Variants in DOCK4 observed in about 807,000 individuals in gnomAD.
DOCK4 encodes dedicator of cytokinesis 4.
In DOCK4, 97 loss-of-function variants were observed where a neutral mutation model predicts 268.1. That is an observed-to-expected ratio of 0.36 (90% CI 0.31 to 0.43). DOCK4 has a LOEUF of 0.43. Among genes scored for constraint, DOCK4 ranks in the 20% least tolerant of loss-of-function variants. The probability of loss-of-function intolerance (pLI) is 1.00; values close to 1 mark genes in which losing one functional copy is unlikely to be tolerated. For missense variants in DOCK4, 2,145 were observed against 2,455.7 expected (o/e 0.87, Z 2.67); for synonymous variants, 954 against 887.2 (o/e 1.08, Z -1.34).
At chr7:112,058,791 A>G (rs1343456380) in intron 1 of DOCK4, among the ~76,000 whole-genome samples, 2 of 152,198 alleles carry the variant, frequency 1.3e-5, no homozygotes, top group Non-Finnish European at 2.9e-5. Context: ...ACACAATGGC[A>G]AAGATCAAAG....
intron 25 of DOCK4, among the ~76,000 whole-genome samples, chr7:111,837,800 A>G (rs897072006): frequency 1.1e-4 from 17 of 152,134 alleles, no homozygotes; most frequent in African/African-American, 3.9e-4. Context: ...TAAGATGTCA[A>G]TTTTGGCTGG....
At chr7:112,050,948 T>C (rs1023545789) in intron 1 of DOCK4, among the ~76,000 whole-genome samples, 4 of 152,148 alleles carry the variant, frequency 2.6e-5, no homozygotes, top group South Asian at 2.1e-4. Flanking sequence ...GATAAATTCA[T>C]GAATTGCAAA....
At chr7:112,156,073 CAG>C (rs1458735347) in intron 1 of DOCK4, among the ~76,000 whole-genome samples, 1 of 152,134 alleles carries the variant, frequency 6.6e-6, no homozygotes, top group Non-Finnish European at 1.5e-5. Flanking sequence ...CTAGATGTAA[CAG>C]AGCATGGGCT....
At chr7:111,991,164 A>G (rs112340365) in intron 5 of DOCK4, among the ~76,000 whole-genome samples, 1,689 of 152,184 alleles carry the variant, frequency 0.011, 44 homozygotes, top group African/African-American at 0.036. Flanking sequence ...CATCTCTAGT[A>G]CTTAAGTTTA....
At chr7:112,118,096 C>T (rs763831108) in intron 1 of DOCK4, among the ~76,000 whole-genome samples, 2 of 151,738 alleles carry the variant, frequency 1.3e-5, no homozygotes, top group African/African-American at 2.4e-5. Flanking sequence ...CCATTTTCCA[C>T]AAAAATCTCT....
intron 44 of DOCK4, 146 bp from the exon 45 acceptor site, chr7:111,742,278 A>G (rs2133444082): frequency 2.6e-6 from 2 of 777,954 alleles, no homozygotes; most frequent in South Asian, 8.8e-5. Context: ...CTGTCACTTT[A>G]CAGGTGAAGA....
chr7:111,745,356 C>T (rs1796189559), intron 44 of DOCK4, among the ~76,000 whole-genome samples: 1 of 152,120 alleles, frequency 6.6e-6, no homozygotes, highest in South Asian at 2.1e-4. Context: ...TTGGAGTTGG[C>T]CTGAACTTTT....
intron 32 of DOCK4, among the ~76,000 whole-genome samples, chr7:111,786,917 G>A (rs903097480): frequency 1.3e-5 from 2 of 151,996 alleles, no homozygotes; most frequent in Admixed American, 1.3e-4. Flanking sequence ...TATGCTGATC[G>A]TAAAAGCATG....
intron 1 of DOCK4, among the ~76,000 whole-genome samples, chr7:112,200,179 T>C (rs1174499334): frequency 6.6e-6 from 1 of 152,174 alleles, no homozygotes; most frequent in Non-Finnish European, 1.5e-5. Context: ...TCAGGACCCA[T>C]TAACAAGTCA....
At position 111,868,026 on chromosome 7, in the gene DOCK4, A is replaced by G. The variant is rs371510768; in HGVS notation, c.2238T>C (p.Leu746=). 11 of 1,612,614 alleles carry G rather than the reference A, an allele frequency of 6.8e-6. No individual in the cohort carries two copies. The highest frequency in any genetic ancestry group is 9.3e-6 in the Non-Finnish European group (11 of 1,179,296). Residue 746 remains leucine (L), a synonymous_variant, in exon 22 of 53, where the codon CTT becomes CTC. Transcript: ENST00000428084. The stretch of plus-strand genomic sequence containing the variant: ...CTCCAGACCCTTTGCTCTCTTGCGA[A>G]AGAAAGAAACGGACTGACATGAGAA... ...QELLMSVRFF[L]SQESKGSGAL...
At chr7:111,897,882 C>G (rs1000576077) in intron 15 of DOCK4, among the ~76,000 whole-genome samples, 1 of 152,218 alleles carries the variant, frequency 6.6e-6, no homozygotes, top group Non-Finnish European at 1.5e-5. Context: ...TAAATGATCA[C>G]TTCATTCTCA....
intron 8 of DOCK4, among the ~76,000 whole-genome samples, chr7:111,956,961 A>G (rs1464802846): frequency 6.6e-6 from 1 of 152,202 alleles, no homozygotes; most frequent in African/African-American, 2.4e-5. Context: ...ATTCATTATA[A>G]CTTTTAAAAA....
At chr7:111,980,774 C>G (rs564991888) in intron 7 of DOCK4, among the ~76,000 whole-genome samples, 5 of 152,298 alleles carry the variant, frequency 3.3e-5, no homozygotes, top group Non-Finnish European at 7.4e-5. Flanking sequence ...CATGTGAGAA[C>G]CACTGTGTTC....
intron 30 of DOCK4, chr7:111,801,867 T>C (rs1339919289): frequency 1.3e-5 from 2 of 150,626 alleles, no homozygotes; most frequent in African/African-American, 4.9e-5. Context: ...TTTTTTTTTT[T>C]TTTTTTTGTA....
At chr7:112,037,790 TA>T (rs1161454372) in intron 1 of DOCK4, among the ~76,000 whole-genome samples, 2 of 152,334 alleles carry the variant, frequency 1.3e-5, no homozygotes, top group African/African-American at 2.4e-5. Context: ...GATCATTAGA[TA>T]GGGGTAAATT....
intron 44 of DOCK4, among the ~76,000 whole-genome samples, chr7:111,746,085 A>G (rs1020155290): frequency 2.0e-5 from 3 of 152,204 alleles, no homozygotes; most frequent in African/African-American, 7.2e-5. Context: ...TATGGTCCCA[A>G]GTATTTTGGA....
At chr7:111,832,706 T>G (rs1452043840) in intron 26 of DOCK4, among the ~76,000 whole-genome samples, 5 of 152,134 alleles carry the variant, frequency 3.3e-5, no homozygotes, top group Non-Finnish European at 7.4e-5. Context: ...TTTTGTATTT[T>G]TAGTAGAGAT....
rs150524591 is a variant in DOCK4, at chr7:112,039,376, G to C, written c.38-35245C>G. Among the ~76,000 whole-genome samples the C allele has an allele frequency of 3.6e-3, 511 of 141,438 alleles. 14 individuals are homozygous for C. In the East Asian group the frequency reaches 0.095, roughly 26 times the overall value. 92.8% of individuals were successfully genotyped at this position (141,438 alleles called of 152,430 possible). Reference sequence around the variant, plus strand: ...AGGTTTTAAAGAGGATTTCATATGGGGGGGGGGGCTTAAAGATGCAGAAAT... The same window carrying C: ...AGGTTTTAAAGAGGATTTCATATGGCGGGGGGGGCTTAAAGATGCAGAAAT... On this transcript the variant is annotated intron_variant, in intron 1 of 52. Coordinates refer to ENST00000428084, the MANE Select transcript of DOCK4 (RefSeq NM_001363540.2).
At chr7:112,183,954 C>T (rs1247657773) in intron 1 of DOCK4, among the ~76,000 whole-genome samples, 1 of 152,190 alleles carries the variant, frequency 6.6e-6, no homozygotes, top group Non-Finnish European at 1.5e-5. Flanking sequence ...CAGGTATCAT[C>T]TTCTCCAGGA....
Sources: allele counts gnomAD v4.1 joint callset (sites outside exome capture counted in the v4.1 genomes callset), GRCh38; gene constraint gnomAD v4.1.1; transcripts MANE v1.5; gene names NCBI Gene and HGNC (gene_info 2026-07-23, HGNC 2026-07-21).